Variants in RERE observed in about 807,000 individuals in gnomAD.
The protein encoded by RERE is arginine-glutamic acid dipeptide repeats protein.
Under a neutral mutation model 146.1 loss-of-function variants are expected in RERE, and 40 were observed. The observed-to-expected ratio is 0.27, with a 90% CI of 0.21 to 0.36. The LOEUF (loss-of-function observed/expected upper bound fraction) is 0.36, where lower values mean the gene tolerates loss of function less well. Ranked by LOEUF, RERE falls within the 10% of genes least tolerant of loss-of-function variation. The pLI is 1.00. For synonymous variants in RERE, 1,003 were observed against 866.0 expected (o/e 1.16, Z -2.78); for missense variants, 1,933 against 2,138.7 (o/e 0.90, Z 1.90).
At chr1:8,486,471 C>T (rs539477676) in intron 10 of RERE, among the ~76,000 whole-genome samples, 1 of 151,932 alleles carries the variant, frequency 6.6e-6, no homozygotes, top group African/African-American at 2.4e-5. Flanking sequence ...AAGAAATCAC[C>T]AAAAAATTCA....
At chr1:8,503,338 T>C (rs930158035) in intron 8 of RERE, among the ~76,000 whole-genome samples, 4 of 152,126 alleles carry the variant, frequency 2.6e-5, no homozygotes, top group African/African-American at 7.2e-5. Flanking sequence ...CAAAATTATA[T>C]ATGCACTTGT....
chr1:8,406,384 C>G (rs1286602590), intron 12 of RERE, among the ~76,000 whole-genome samples: 1 of 152,038 alleles, frequency 6.6e-6, no homozygotes, highest in East Asian at 1.9e-4. Context: ...TTAATATTTT[C>G]AAGAGAAGAA....
At chr1:8,507,231 G>A (rs768822142) in intron 8 of RERE, among the ~76,000 whole-genome samples, 3 of 152,180 alleles carry the variant, frequency 2.0e-5, no homozygotes, top group South Asian at 2.1e-4. Flanking sequence ...AGCCGTGATC[G>A]TGCCTCTGTG....
chr1:8,775,943 C>T (rs1343574107), intron 1 of RERE, among the ~76,000 whole-genome samples: 1 of 152,162 alleles, frequency 6.6e-6, no homozygotes, highest in South Asian at 2.1e-4. Context: ...CAGATTTAAA[C>T]CCAGGCGGTC....
At chr1:8,449,258 G>A (rs1187563922) in intron 11 of RERE, among the ~76,000 whole-genome samples, 1 of 152,038 alleles carries the variant, frequency 6.6e-6, no homozygotes, top group Non-Finnish European at 1.5e-5. Flanking sequence ...TTTGTTTTAG[G>A]CCCTCCAGCC....
intron 1 of RERE, among the ~76,000 whole-genome samples, chr1:8,697,943 G>C (rs1299975261): frequency 6.6e-6 from 1 of 152,108 alleles, no homozygotes; most frequent in Non-Finnish European, 1.5e-5. Context: ...TAATGCCAAA[G>C]AATGTCATCA....
chr1:8,694,720 C>T (rs1221504288), intron 1 of RERE, among the ~76,000 whole-genome samples: 1 of 151,830 alleles, frequency 6.6e-6, no homozygotes, highest in Non-Finnish European at 1.5e-5. Flanking sequence ...GATCATACCT[C>T]TGCATTCACG....
intron 4 of RERE, among the ~76,000 whole-genome samples, chr1:8,596,051 T>C (rs78110773): frequency 0.021 from 3,162 of 152,334 alleles, 107 homozygotes; most frequent in African/African-American, 0.073. Flanking sequence ...ATAAAGTGAT[T>C]CAGTAAAATA....
chr1:8,557,330 A>C (rs1646019727), intron 5 of RERE, 88 bp downstream of exon 5: 1 of 917,964 alleles, frequency 1.1e-6, no homozygotes, highest in Admixed American at 2.0e-5. Context: ...ATTTTTCAAA[A>C]AGTTATCTTC....
intron 12 of RERE, among the ~76,000 whole-genome samples, chr1:8,413,533 G>A (rs1009643928): frequency 6.6e-6 from 1 of 150,972 alleles, no homozygotes; most frequent in African/African-American, 2.4e-5. Context: ...TTGTAGAGAT[G>A]GGGTTTCACC....
intron 1 of RERE, among the ~76,000 whole-genome samples, chr1:8,742,538 CCACCAGCAGTGCTGGCTCA>C (rs1172414450): frequency 6.6e-6 from 1 of 152,116 alleles, no homozygotes; most frequent in Non-Finnish European, 1.5e-5. Flanking sequence ...CAAAGTACAA[CCACCAGCAGTGCTGGCTCA>C]CACCTGCGAT....
In RERE at chr1:8,557,522, C is replaced by A; in HGVS notation, c.524G>T (p.Ser175Ile). ...GTTCATGAGGAGATGGTCCCTCTTACTCTGAAAAGGAAAATCTAACAGCAT... is the reference window on the plus strand; with the variant it reads ...GTTCATGAGGAGATGGTCCCTCTTAATCTGAAAAGGAAAATCTAACAGCAT... Reference protein sequence around the residue: ...LSEAGRGPVGSKRDHLLMNVK... With the variant: ...LSEAGRGPVGIKRDHLLMNVK... The change falls in exon 5 of 23, where the codon AGT becomes ATT. Residue 175 changes from serine to isoleucine, a missense_variant and splice_region_variant. Ser to Ile is a moderately radical substitution (Grantham distance 142). Coordinates refer to ENST00000400908, the MANE Select transcript of RERE (RefSeq NM_001042681.2). The A allele has an allele frequency of 6.2e-7, 1 of 1,600,632 alleles. No individual in the cohort carries two copies.
rs149818268 is a variant in RERE, at chr1:8,791,944, T to C, written c.-145+25216A>G. Among the ~76,000 whole-genome samples the C allele has an allele frequency of 2.2e-3, 331 of 152,254 alleles. 1 individual carries two copies. Among genetic ancestry groups the C allele is most frequent in the African/African-American group, 7.7e-3 (322 of 41,572 alleles). ...CAGGTGAAGCTTAACAAAGATAAAT[T>C]AGGCCGGGCATGATAGTTCACACCT... On this transcript the variant is annotated intron_variant, in intron 1 of 22. Coordinates refer to ENST00000400908, the MANE Select transcript of RERE (RefSeq NM_001042681.2).
chr1:8,746,476 A>G (rs1197669988), intron 1 of RERE, among the ~76,000 whole-genome samples: 1 of 152,166 alleles, frequency 6.6e-6, no homozygotes, highest in Admixed American at 6.5e-5. Context: ...GAAGAAAAAA[A>G]ATACAAAGCC....
intron 1 of RERE, among the ~76,000 whole-genome samples, chr1:8,729,217 A>ATTTTTTTTT (rs1173630956): frequency 1.0e-5 from 1 of 100,420 alleles, no homozygotes; most frequent in Non-Finnish European, 1.9e-5. Flanking sequence ...AGCTACACCG[A>ATTTTTTTTT]TTTTTTTTTT....
chr1:8,651,810 GT>G (rs368064611), intron 2 of RERE, among the ~76,000 whole-genome samples: 5 of 151,932 alleles, frequency 3.3e-5, no homozygotes, highest in African/African-American at 9.6e-5. Flanking sequence ...TACTCTGCTG[GT>G]TTTTTTGGTT....
intron 6 of RERE, among the ~76,000 whole-genome samples, chr1:8,553,306 C>T (rs1373821190): frequency 1.3e-5 from 2 of 151,462 alleles, no homozygotes; most frequent in African/African-American, 2.4e-5. Context: ...ACTACTAGGC[C>T]GGCACGTCCA....
chr1:8,422,035 A>C (rs1344591657), intron 12 of RERE, among the ~76,000 whole-genome samples: 1 of 152,206 alleles, frequency 6.6e-6, no homozygotes, highest in Non-Finnish European at 1.5e-5. Flanking sequence ...ATGAGAATGA[A>C]TCCCTTCCCC....
chr1:8,750,170 G>GAA (rs1640502567), intron 1 of RERE, among the ~76,000 whole-genome samples: 1 of 62,128 alleles, frequency 1.6e-5, no homozygotes. Flanking sequence ...AAAAAAAAAA[G>GAA]AATGGATTAT....
Sources: allele counts gnomAD v4.1 joint callset (sites outside exome capture counted in the v4.1 genomes callset), GRCh38; gene constraint gnomAD v4.1.1; transcripts MANE v1.5; gene names NCBI Gene and HGNC (gene_info 2026-07-23, HGNC 2026-07-21).